The following BCS1L variants were observed in gnomAD, a reference collection of about 807,000 sequenced individuals.
BCS1L encodes BCS1 ubiquinol-cytochrome c reductase complex chaperone, also known as mitochondrial chaperone BCS1.
A neutral mutation model predicts 49.3 loss-of-function variants in BCS1L; 38 were observed. The ratio of observed to expected loss-of-function variants is 0.77; its 90% CI spans 0.59 to 1.01. The LOEUF (loss-of-function observed/expected upper bound fraction) is 1.01. Among genes scored for constraint, BCS1L ranks in the 50% least tolerant of loss-of-function variants. The probability of loss-of-function intolerance (pLI) is 0.00; values close to 1 mark genes in which losing one functional copy is unlikely to be tolerated. For synonymous variants in BCS1L, 193 were observed against 210.1 expected (o/e 0.92, Z 0.70); for missense variants, 394 against 540.2 (o/e 0.73, Z 2.68).
chr2:218,660,917 C>T, intron 1 of BCS1L, 22 bp from the exon 2 acceptor site: 1 of 1,548,780 alleles, frequency 6.5e-7, no homozygotes, highest in Non-Finnish European at 8.9e-7. Context: ...TTTGTCCCAT[C>T]TCCACTGTTC....
Position 218,662,766 on chromosome 2 carries a change from C to T in BCS1L, c.889+87C>T. The T allele has an allele frequency of 6.2e-7, 1 of 1,605,402 alleles. No homozygotes were observed. Among genetic ancestry groups the T allele is most frequent in the Non-Finnish European group, 8.5e-7 (1 of 1,172,776 alleles). On this transcript the variant is annotated intron_variant, in intron 6 of 7. Transcript: ENST00000359273. This position sits in a 1 kb window ranked among gnomAD's most constrained non-coding sequence, Gnocchi z 5.8. ...AATCCAGAGGGCTGGTGGAAGATGCCTGGGTTAGTGACAAGAGCCCACAAG... is the reference window on the plus strand; with the variant it reads ...AATCCAGAGGGCTGGTGGAAGATGCTTGGGTTAGTGACAAGAGCCCACAAG...
chr2:218,661,463 G>T lies in BCS1L; in HGVS notation c.378G>T (p.Leu126Phe). 6.2e-7 allele frequency: 1 copy of T among 1,614,228 alleles called. No homozygotes were observed. Among genetic ancestry groups the T allele is most frequent in the Non-Finnish European group, 8.5e-7 (1 of 1,180,034 alleles). Residue 126 changes from leucine to phenylalanine, a missense_variant, in exon 3 of 8, where the codon TTG becomes TTT. Physicochemically the swap from Leu to Phe is conservative, Grantham distance 22 (BLOSUM62 0). Coordinates refer to ENST00000359273, the MANE Select transcript of BCS1L (RefSeq NM_001079866.2). This position sits in a 1 kb window ranked among gnomAD's most constrained non-coding sequence, Gnocchi z 5.9. ...ERSREMQMID[L>F]QTGTPWESVT... Reference sequence around the variant, plus strand: ...GTCGAGAGATGCAGATGATAGACTTGCAGACGGGGACTCCTTGGGAATCTG... The same window carrying T: ...GTCGAGAGATGCAGATGATAGACTTTCAGACGGGGACTCCTTGGGAATCTG...
upstream of BCS1L, chr2:218,658,848 G>A (rs1049433897): frequency 3.3e-5 from 5 of 152,314 alleles, no homozygotes; most frequent in African/African-American, 9.7e-5. Flanking sequence ...CACCAGAGAA[G>A]AAATACGCTT....
Position 218,662,788 on chromosome 2 carries a change from C to T in BCS1L, c.890-95C>T. ...TGCCTGGGTTAGTGACAAGAGCCCACAAGACACATGGATAAGTAGGGGAAC... is the reference window on the plus strand; with the variant it reads ...TGCCTGGGTTAGTGACAAGAGCCCATAAGACACATGGATAAGTAGGGGAAC... On this transcript the variant is annotated intron_variant, in intron 6 of 7. Transcript: ENST00000359273. The surrounding 1 kb of genome is among the most constrained non-coding windows in gnomAD (Gnocchi z 5.8). 2 of 1,588,528 alleles carry T rather than the reference C, an allele frequency of 1.3e-6. No homozygotes were observed. The highest frequency in any genetic ancestry group is 1.7e-6 in the Non-Finnish European group (2 of 1,157,312).
chr2:218,660,423 T>TATCATTA, intron 1 of BCS1L: 3 of 152,770 alleles, frequency 2.0e-5, no homozygotes, highest in Non-Finnish European at 4.4e-5. Flanking sequence ...AAGCAGGAGG[T>TATCATTA]GAAGACCTAT....
In BCS1L at chr2:218,661,820, T is replaced by C. The variant is rs1939486089; in HGVS notation, c.522T>C (p.Ser174=). 3.7e-6 allele frequency: 6 copies of C among 1,614,224 alleles called. No individual in the cohort carries two copies. The highest frequency in any genetic ancestry group is 5.1e-6 in the Non-Finnish European group (6 of 1,180,028). ...CCGTGATGTACACAGCTGTGGGCTC[T>C]GAATGGCGTCCCTTTGGCTATCCAC... ...GKTVMYTAVG[S]EWRPFGYPRR... is the part of the protein sequence containing the mutation. Residue 174 remains serine (S), a synonymous_variant, in exon 4 of 8, where the codon TCT becomes TCC. Transcript: ENST00000359273. This position sits in a 1 kb window ranked among gnomAD's most constrained non-coding sequence, Gnocchi z 5.9.
In BCS1L at chr2:218,662,314, C is replaced by T. The variant is rs2106328073; in HGVS notation, c.719+54C>T. ...GCAAAACGAAGCCTTTGTGGAAACA[C>T]TAGGCTGATAGGGTTGGAAGGGGAA... On this transcript the variant is annotated intron_variant, in intron 5 of 7. Coordinates refer to ENST00000359273, the MANE Select transcript of BCS1L (RefSeq NM_001079866.2). The surrounding 1 kb of genome is among the most constrained non-coding windows in gnomAD (Gnocchi z 5.8). 6.4e-7 allele frequency: 1 copy of T among 1,556,120 alleles called. No individual in the cohort carries two copies. The highest frequency in any genetic ancestry group is 8.9e-7 in the Non-Finnish European group (1 of 1,127,426).
chr2:218,660,844 T>C (rs1939299091), intron 1 of BCS1L, 95 bp from the exon 2 acceptor site: 8 of 851,280 alleles, frequency 9.4e-6, no homozygotes, highest in Non-Finnish European at 1.3e-5. Flanking sequence ...AAGGAGGGTA[T>C]TGACCCACAC....
chr2:218,660,968 T>G lies in BCS1L; in HGVS notation c.-20T>G. On this transcript the variant is annotated 5_prime_UTR_variant, in exon 2 of 8. Transcript: ENST00000359273. ...TCGTAACACCCCAGGGCCTGTAAGG[T>G]TTGGTGTTTCCCTTTCAAGATGCCA... The G allele has an allele frequency of 6.2e-7, 1 of 1,612,504 alleles. No homozygotes were observed. Among genetic ancestry groups the G allele is most frequent in the Non-Finnish European group, 8.5e-7 (1 of 1,179,560 alleles).
rs1337387307 is a variant in BCS1L, at chr2:218,662,842, G to A, written c.890-41G>A. On this transcript the variant is annotated intron_variant, in intron 6 of 7. Coordinates refer to ENST00000359273, the MANE Select transcript of BCS1L (RefSeq NM_001079866.2). The surrounding 1 kb of genome is among the most constrained non-coding windows in gnomAD (Gnocchi z 5.8). ...GTGGGGCATGCTAATTTTATGCTGG[G>A]CTATGACTACTCATGCTTCCTTATC... 1.2e-6 allele frequency: 2 copies of A among 1,601,020 alleles called. No individual in the cohort carries two copies. Among genetic ancestry groups the A allele is most frequent in the African/African-American group, 1.3e-5 (1 of 74,622 alleles).
rs1279770656 is a variant in BCS1L, at chr2:218,662,391, G to C, written c.720-119G>C. On this transcript the variant is annotated intron_variant, in intron 5 of 7. Coordinates refer to ENST00000359273, the MANE Select transcript of BCS1L (RefSeq NM_001079866.2). The surrounding 1 kb of genome is among the most constrained non-coding windows in gnomAD (Gnocchi z 5.8). ...TAAACATGAAACGTGTGGAACATCAGGGTGTGAGGTAGAAGTCAGGCCTCT... is the reference window on the plus strand; with the variant it reads ...TAAACATGAAACGTGTGGAACATCACGGTGTGAGGTAGAAGTCAGGCCTCT... 6.7e-7 allele frequency: 1 copy of C among 1,490,772 alleles called. No individual in the cohort carries two copies. The highest frequency in any genetic ancestry group is 1.4e-5 in the African/African-American group (1 of 72,204). 92.3% of individuals were successfully genotyped at this position (1,490,772 alleles called of 1,614,324 possible).
In BCS1L at chr2:218,662,428, C is replaced by T. The variant is rs1229141465; in HGVS notation, c.720-82C>T. On this transcript the variant is annotated intron_variant, in intron 5 of 7. Coordinates refer to ENST00000359273, the MANE Select transcript of BCS1L (RefSeq NM_001079866.2). This position sits in a 1 kb window ranked among gnomAD's most constrained non-coding sequence, Gnocchi z 5.8. Reference sequence around the variant, plus strand: ...GAAGTCAGGCCTCTGAGACACATGTCCCCAGGCGGTGAGGAGAGTAGCTGG... The same window carrying T: ...GAAGTCAGGCCTCTGAGACACATGTTCCCAGGCGGTGAGGAGAGTAGCTGG... 3.8e-6 allele frequency: 6 copies of T among 1,578,900 alleles called. No homozygotes were observed. In the East Asian group the frequency reaches 1.1e-4, roughly 29 times the overall value.
Position 218,662,942 on chromosome 2 carries a change from G to GA in BCS1L, c.950dup (p.Asp317GlufsTer19), listed in dbSNP as rs751769260. On this transcript the variant is annotated frameshift_variant, in exon 7 of 8. Transcript: ENST00000359273. LOFTEE classifies it high-confidence loss of function. This position sits in a 1 kb window ranked among gnomAD's most constrained non-coding sequence, Gnocchi z 5.8. Reference sequence around the variant, plus strand: ...CTTCAGTGGACTGCTCAATGCCTTGGATGGTGTGGCTTCCACCGAGGCCCG... The same window carrying GA: ...CTTCAGTGGACTGCTCAATGCCTTGGAATGGTGTGGCTTCCACCGAGGCCCG... The GA allele has an allele frequency of 5.0e-6, 8 of 1,613,852 alleles. No homozygotes were observed. The highest frequency in any genetic ancestry group is 6.8e-6 in the Non-Finnish European group (8 of 1,179,916).
intron 1 of BCS1L, chr2:218,660,431 T>A: frequency 5.1e-5 from 8 of 155,356 alleles, no homozygotes; most frequent in Admixed American, 2.5e-4. Flanking sequence ...GGTGAAGACC[T>A]ATTAAAATGC....
Position 218,662,892 on chromosome 2 carries a change from A to G in BCS1L, c.899A>G (p.Lys300Arg). Residue 300 changes from lysine to arginine, a missense_variant, in exon 7 of 8, where the codon AAG becomes AGG. Lys to Arg is a conservative substitution (Grantham distance 26, BLOSUM62 2). Transcript: ENST00000359273. This position sits in a 1 kb window ranked among gnomAD's most constrained non-coding sequence, Gnocchi z 5.8. ...SRDLAVENPV[K>R]YQGLGRLTFS... ...CTTTGCCTTCCTCCAGACCCAGTAA[A>G]GTACCAAGGCCTAGGTCGCCTCACC... The G allele has an allele frequency of 1.2e-6, 2 of 1,614,082 alleles. No individual in the cohort carries two copies.
rs769584762 is a variant in BCS1L at position 218,662,720 on chromosome 2, G to C, written c.889+41G>C. The C allele has an allele frequency of 6.2e-7, 1 of 1,613,704 alleles. No homozygotes were observed. The highest frequency in any genetic ancestry group is 1.7e-5 in the Admixed American group (1 of 60,020). ...TGGAGGAAGTGGAGTGGGTAACTGT[G>C]GAACAGGGGAAGAAAGCAGAAATCC... On this transcript the variant is annotated intron_variant, in intron 6 of 7. Coordinates refer to ENST00000359273, the MANE Select transcript of BCS1L (RefSeq NM_001079866.2). The surrounding 1 kb of genome is among the most constrained non-coding windows in gnomAD (Gnocchi z 5.8).
At chr2:218,660,683 AAGCC>A (rs1264713047) in intron 1 of BCS1L, 4 of 366,940 alleles carry the variant, frequency 1.1e-5, no homozygotes, top group African/African-American at 8.2e-5. Context: ...CCCTGATGTG[AAGCC>A]TGTTTATATA....
At position 218,662,796 on chromosome 2, in the gene BCS1L, A is replaced by G; in HGVS notation, c.890-87A>G. The stretch of plus-strand genomic sequence containing the variant: ...TTAGTGACAAGAGCCCACAAGACAC[A>G]TGGATAAGTAGGGGAACATAGTGGG... On this transcript the variant is annotated intron_variant, in intron 6 of 7. Coordinates refer to ENST00000359273, the MANE Select transcript of BCS1L (RefSeq NM_001079866.2). The surrounding 1 kb of genome is among the most constrained non-coding windows in gnomAD (Gnocchi z 5.8). 6.3e-7 allele frequency: 1 copy of G among 1,582,880 alleles called. No individual in the cohort carries two copies. Among genetic ancestry groups the G allele is most frequent in the Non-Finnish European group, 8.7e-7 (1 of 1,152,166 alleles).
At position 218,659,699 on chromosome 2, in the gene BCS1L, A is replaced by C. The variant is rs1274670097; in HGVS notation, c.-94A>C. ...GCCGAACGCAGCTTCCCCAAGGTGC[A>C]GGCGCGGTGAAACCATCGAGACGGA... is the stretch of plus-strand genomic sequence containing the variant. On this transcript the variant is annotated 5_prime_UTR_variant, in exon 1 of 8. Coordinates refer to ENST00000359273, the MANE Select transcript of BCS1L (RefSeq NM_001079866.2). This position sits in a 1 kb window ranked among gnomAD's most constrained non-coding sequence, Gnocchi z 4.4. The C allele has an allele frequency of 6.6e-6, 1 of 152,320 alleles. No individual in the cohort carries two copies. Among genetic ancestry groups the C allele is most frequent in the Non-Finnish European group, 1.5e-5 (1 of 68,192 alleles). The allele number at this position is 152,320 out of a possible 1,614,324, so 9.4% of individuals were successfully genotyped here. A position where few individuals can be genotyped will look rare whatever the true frequency, so the allele number is the denominator to read the frequency against.
Sources: allele counts gnomAD v4.1 joint callset, GRCh38; gene constraint gnomAD v4.1.1; non-coding constraint Gnocchi (gnomAD v3.1); transcripts MANE v1.5; gene names NCBI Gene and HGNC (gene_info 2026-07-23, HGNC 2026-07-21).